The following PLCH1 variants were observed in gnomAD, a reference collection of about 807,000 sequenced individuals.
PLCH1 encodes 1-phosphatidylinositol 4,5-bisphosphate phosphodiesterase eta-1.
Under a neutral mutation model 126.7 loss-of-function variants are expected in PLCH1, and 60 were observed. The observed-to-expected ratio is 0.47, with a 90% confidence interval of 0.38 to 0.59. The LOEUF (loss-of-function observed/expected upper bound fraction) is 0.59. Ranked by LOEUF, PLCH1 falls within the 20% of genes least tolerant of loss-of-function variation. The probability of loss-of-function intolerance (pLI) is 0.00; values close to 1 mark genes in which losing one functional copy is unlikely to be tolerated. For missense variants in PLCH1, 1,723 were observed against 2,040.0 expected (o/e 0.84, Z 2.99); for synonymous variants, 719 against 734.9 (o/e 0.98, Z 0.35).
chr3:155,677,570 G>A (rs559302590), intron 2 of PLCH1, among the ~76,000 whole-genome samples: 1 of 152,306 alleles, frequency 6.6e-6, no homozygotes, highest in Admixed American at 6.5e-5. Flanking sequence ...AACTAGCTGT[G>A]AGACTTTGGG....
chr3:155,697,464 C>T (rs957998540), intron 2 of PLCH1, among the ~76,000 whole-genome samples: 4 of 152,030 alleles, frequency 2.6e-5, no homozygotes, highest in African/African-American at 9.7e-5. Flanking sequence ...GAGGAAACAC[C>T]CCTCACCCCC....
intron 8 of PLCH1, 145 bp downstream of exon 8, chr3:155,564,770 A>G: frequency 1.7e-6 from 1 of 582,066 alleles, no homozygotes; most frequent in Non-Finnish European, 3.1e-6. Flanking sequence ...ATTATGAGTT[A>G]AGATTGACTT....
chr3:155,566,258 TAC>T (rs1438310909), intron 7 of PLCH1, among the ~76,000 whole-genome samples: 1 of 61,686 alleles, frequency 1.6e-5, no homozygotes, highest in Non-Finnish European at 3.9e-5. Flanking sequence ...TACGTATATA[TAC>T]ACATATATAT....
chr3:155,492,874 G>A, intron 17 of PLCH1, 21 bp from the exon 18 acceptor site: 3 of 1,557,904 alleles, frequency 1.9e-6, no homozygotes, highest in Non-Finnish European at 2.6e-6. Context: ...TAAAGTATAA[G>A]TTGGTAACAT....
intron 1 of PLCH1, among the ~76,000 whole-genome samples, chr3:155,713,695 C>T (rs188102869): frequency 6.6e-6 from 1 of 152,312 alleles, no homozygotes. Flanking sequence ...CCCAGAGCTG[C>T]AGCCCAATCC....
At chr3:155,665,834 A>G (rs542664584) in intron 2 of PLCH1, among the ~76,000 whole-genome samples, 305 of 152,364 alleles carry the variant, frequency 2.0e-3, no homozygotes, top group Non-Finnish European at 3.6e-3. Context: ...CTCATACTCA[A>G]AGATAACCAG....
At chr3:155,678,260 G>A (rs1744248047) in intron 2 of PLCH1, among the ~76,000 whole-genome samples, 1 of 152,188 alleles carries the variant, frequency 6.6e-6, no homozygotes, top group Non-Finnish European at 1.5e-5. Context: ...TGACATGCAG[G>A]ATTGGATATG....
intron 2 of PLCH1, among the ~76,000 whole-genome samples, chr3:155,606,416 TC>T (rs2108703782): frequency 6.6e-6 from 1 of 152,348 alleles, no homozygotes; most frequent in East Asian, 1.9e-4. Context: ...CATCACTTGA[TC>T]TTTTTTACTT....
At chr3:155,463,180 C>T (rs1712793298) in intron 21 of PLCH1, among the ~76,000 whole-genome samples, 1 of 152,108 alleles carries the variant, frequency 6.6e-6, no homozygotes, top group Non-Finnish European at 1.5e-5. Context: ...GGAATGCACT[C>T]CCACCCCCCA....
Position 155,514,880 on chromosome 3 carries a change from T to A in PLCH1, c.1475A>T (p.Asn492Ile). Residue 492 changes from asparagine (N) to isoleucine (I), a missense_variant, in exon 12 of 23, where the codon AAT becomes ATT. Asn to Ile is a moderately radical substitution (Grantham distance 149, BLOSUM62 -3). Around this residue, in one of 2 missense-constraint regions of PLCH1, gnomAD observed 776 missense variants for 1,062.9 expected, o/e 0.73. Transcript: ENST00000460012. ...TTCCACCTGATGCTCAGTGGTCCCA[T>A]TACTCTGCAAAGAATTAAGTAACAC... ...DECKFKLHYSNGTTEHQVESF... is the reference protein window; with the variant it reads ...DECKFKLHYSIGTTEHQVESF... 1 of 1,596,472 alleles carries A rather than the reference T, an allele frequency of 6.3e-7. No individual in the cohort carries two copies. Among genetic ancestry groups the A allele is most frequent in the South Asian group, 1.1e-5 (1 of 89,168 alleles).
At chr3:155,474,251 CA>C (rs1560034299) in intron 21 of PLCH1, among the ~76,000 whole-genome samples, 1 of 148,304 alleles carries the variant, frequency 6.7e-6, no homozygotes, top group Non-Finnish European at 1.5e-5. Context: ...ACAACCCCAT[CA>C]AAAAGTGGGC....
chr3:155,451,431 C>T (rs960910760), intron 21 of PLCH1, among the ~76,000 whole-genome samples: 7 of 152,100 alleles, frequency 4.6e-5, no homozygotes, highest in Admixed American at 3.3e-4. Flanking sequence ...TTATGTGCCT[C>T]CTGATTTGAT....
chr3:155,716,540 A>T (rs988653284), intron 1 of PLCH1, among the ~76,000 whole-genome samples: 2 of 152,198 alleles, frequency 1.3e-5, no homozygotes, highest in African/African-American at 4.8e-5. Context: ...TGGAAGATAA[A>T]GTGGGAGCAG....
intron 1 of PLCH1, among the ~76,000 whole-genome samples, chr3:155,707,171 T>C (rs562150443): frequency 6.6e-6 from 1 of 152,350 alleles, no homozygotes; most frequent in South Asian, 2.1e-4. Context: ...GCCTTGATCT[T>C]AGACTTCCCA....
At chr3:155,738,199 T>C (rs1332611972) in intron 1 of PLCH1, among the ~76,000 whole-genome samples, 1 of 152,122 alleles carries the variant, frequency 6.6e-6, no homozygotes, top group Admixed American at 6.5e-5. Context: ...ACCTGTGTGG[T>C]GTCTGAGGCA....
intron 21 of PLCH1, among the ~76,000 whole-genome samples, chr3:155,464,887 G>T (rs1004672946): frequency 1.3e-5 from 2 of 152,126 alleles, no homozygotes; most frequent in Admixed American, 1.3e-4. Flanking sequence ...AAGGCAGGTG[G>T]ATCACAAGGT....
chr3:155,699,849 C>CACACACACACACACACACACA (rs1553760147), intron 2 of PLCH1, among the ~76,000 whole-genome samples: 4 of 145,504 alleles, frequency 2.7e-5, no homozygotes, highest in South Asian at 2.1e-4. Flanking sequence ...CACACACACA[C>CACACACACACACACACACACA]CACTACCTCT....
chr3:155,556,104 T>C (rs1726781214), intron 8 of PLCH1, among the ~76,000 whole-genome samples: 1 of 152,236 alleles, frequency 6.6e-6, no homozygotes, highest in African/African-American at 2.4e-5. Flanking sequence ...TTCTGCAAGC[T>C]GAATTTGCAT....
chr3:155,469,759 TCCCTGAC>T (rs1247886607), intron 21 of PLCH1, among the ~76,000 whole-genome samples: 4 of 151,734 alleles, frequency 2.6e-5, no homozygotes, highest in Non-Finnish European at 5.9e-5. Flanking sequence ...CTCAAGTGGG[TCCCTGAC>T]CCCTGACCCC....
Sources: gnomAD v4.1 joint callset for allele counts (sites outside exome capture counted in the v4.1 genomes callset) on GRCh38, gnomAD v4.1.1 for gene constraint, gnomAD v4.1.1 regional missense constraint, MANE v1.5 for transcripts, NCBI Gene and HGNC (gene_info 2026-07-23, HGNC 2026-07-21) for gene names.